SGPP2: variants seen among roughly 807,000 people sequenced by gnomAD.
SGPP2 encodes sphingosine 1-phosphate phosphohydrolase 2.
SGPP2 carries 30 observed loss-of-function variants against 33.9 expected under a neutral mutation model. The observed-to-expected ratio is 0.89, with a 90% CI of 0.66 to 1.20. The LOEUF is 1.20. SGPP2 is among the 50% of genes most tolerant of loss of function. The probability of loss-of-function intolerance (pLI) is 0.00; values close to 1 mark genes in which losing one functional copy is unlikely to be tolerated. For synonymous variants in SGPP2, 233 were observed against 225.0 expected (o/e 1.04, Z -0.32); for missense variants, 458 against 532.1 (o/e 0.86, Z 1.37).
chr2:222,536,160 T>G (rs1360488305), intron 4 of SGPP2, among the ~76,000 whole-genome samples: 1 of 152,188 alleles, frequency 6.6e-6, no homozygotes, highest in Non-Finnish European at 1.5e-5. Context: ...GATTATATAG[T>G]GTGTTACAGG....
chr2:222,480,967 C>A (rs1361043455), intron 2 of SGPP2, among the ~76,000 whole-genome samples: 1 of 152,100 alleles, frequency 6.6e-6, no homozygotes, highest in East Asian at 1.9e-4. Flanking sequence ...GAGTTGAAAC[C>A]ATTATCCTCA....
At chr2:222,433,878 T>C (rs1297176742) in intron 1 of SGPP2, among the ~76,000 whole-genome samples, 1 of 152,252 alleles carries the variant, frequency 6.6e-6, no homozygotes, top group Admixed American at 6.5e-5. Context: ...TACTATGTTT[T>C]AGGAAGGCTG....
chr2:222,483,971 A>T (rs944167715), intron 2 of SGPP2, among the ~76,000 whole-genome samples: 1 of 152,190 alleles, frequency 6.6e-6, no homozygotes, highest in Admixed American at 6.5e-5. Flanking sequence ...GGCGTCAGAG[A>T]TTCTGCCTAG....
In SGPP2 at chr2:222,560,462, AG is replaced by A. The variant is rs1689516816; in HGVS notation, c.*1567del. 6.6e-6 allele frequency: 1 copy of A among 152,234 alleles called. No homozygotes were observed. Among genetic ancestry groups the A allele is most frequent in the Non-Finnish European group, 1.5e-5 (1 of 68,040 alleles). 9.4% of individuals were successfully genotyped at this position (152,234 alleles called of 1,614,324 possible). A position where few individuals can be genotyped will look rare whatever the true frequency, so the allele number is the denominator to read the frequency against. On this transcript the variant is annotated 3_prime_UTR_variant, in exon 5 of 5. Transcript: ENST00000321276. ...AAATACAAAACCCATTAAGCCTACT[AG>A]GGTGAGTCCTCTTAACATGGGAAGG...
At chr2:222,515,910 T>G (rs537710854) in intron 2 of SGPP2, among the ~76,000 whole-genome samples, 1 of 152,064 alleles carries the variant, frequency 6.6e-6, no homozygotes, top group South Asian at 2.1e-4. Context: ...TATCCAGGTG[T>G]GGTAGCGCGT....
chr2:222,474,497 T>C, intron 1 of SGPP2, 71 bp from the exon 2 acceptor site: 1 of 1,442,432 alleles, frequency 6.9e-7, no homozygotes. Flanking sequence ...GACCTGTGAG[T>C]TTTAGACAGA....
At chr2:222,483,907 C>T (rs1698066310) in intron 2 of SGPP2, among the ~76,000 whole-genome samples, 1 of 152,162 alleles carries the variant, frequency 6.6e-6, no homozygotes, top group South Asian at 2.1e-4. Context: ...TAAAAGTATT[C>T]AACAATGGCC....
chr2:222,451,140 G>T, intron 1 of SGPP2, among the ~76,000 whole-genome samples: 1 of 131,156 alleles, frequency 7.6e-6, no homozygotes, highest in East Asian at 2.2e-4. Flanking sequence ...TACAAAAAGA[G>T]AAAAAAAAAA....
chr2:222,530,278 G>T (rs1330008534), intron 4 of SGPP2, among the ~76,000 whole-genome samples: 1 of 152,196 alleles, frequency 6.6e-6, no homozygotes, highest in East Asian at 1.9e-4. Flanking sequence ...CCTAACAAGA[G>T]CATTAGCCTG....
chr2:222,482,566 TG>T (rs72402957), intron 2 of SGPP2, among the ~76,000 whole-genome samples: 25,758 of 152,030 alleles, frequency 0.17, 2,635 homozygotes, highest in African/African-American at 0.28. Context: ...CTGGCTTAGT[TG>T]GGGGTCTCAC....
intron 4 of SGPP2, among the ~76,000 whole-genome samples, chr2:222,541,198 C>T (rs187209399): frequency 1.7e-4 from 26 of 152,302 alleles, no homozygotes; most frequent in Non-Finnish European, 2.9e-4. Flanking sequence ...TGCCCACTTT[C>T]GTGTTTCTAA....
At chr2:222,551,219 AT>A (rs199903193) in intron 4 of SGPP2, among the ~76,000 whole-genome samples, 1 of 151,730 alleles carries the variant, frequency 6.6e-6, no homozygotes, top group African/African-American at 2.4e-5. Flanking sequence ...AGTTATCCCT[AT>A]TTTTTCCCCT....
intron 4 of SGPP2, among the ~76,000 whole-genome samples, chr2:222,545,965 T>C (rs779113047): frequency 6.6e-5 from 10 of 152,238 alleles, no homozygotes; most frequent in Non-Finnish European, 1.5e-4. Flanking sequence ...ACAGCGACTG[T>C]AGAAGAGCAA....
intron 2 of SGPP2, among the ~76,000 whole-genome samples, chr2:222,500,123 C>T (rs745648682): frequency 2.6e-5 from 4 of 152,156 alleles, no homozygotes; most frequent in Non-Finnish European, 5.9e-5. Flanking sequence ...GATACTCTGT[C>T]ACATAAGGAA....
At chr2:222,545,368 T>C (rs1178999348) in intron 4 of SGPP2, among the ~76,000 whole-genome samples, 1 of 151,588 alleles carries the variant, frequency 6.6e-6, no homozygotes, top group African/African-American at 2.4e-5. Context: ...TGCAACCTCC[T>C]TCTCCCAGGT....
intron 2 of SGPP2, among the ~76,000 whole-genome samples, chr2:222,493,947 C>T (rs1698237179): frequency 6.6e-6 from 1 of 152,178 alleles, no homozygotes; most frequent in Admixed American, 6.5e-5. Context: ...CCATAAAGGC[C>T]AATTTCAGTG....
rs186190357 is a variant in SGPP2, at chr2:222,477,265, G to A, written c.378+2539G>A. ...TATATACATGTATGTGAGTATATAG[G>A]TGTATATGTATGTGTGTATGGGTGT... On this transcript the variant is annotated intron_variant, in intron 2 of 4. Transcript: ENST00000321276. The surrounding 1 kb of genome is among the most constrained non-coding windows in gnomAD (Gnocchi z 6.0). Among the ~76,000 whole-genome samples, 28 of 151,138 alleles carry A rather than the reference G, an allele frequency of 1.9e-4. No individual in the cohort carries two copies. Among genetic ancestry groups the A allele is most frequent in the Admixed American group, 7.9e-4 (12 of 15,184 alleles).
At position 222,550,025 on chromosome 2, in the gene SGPP2, C is replaced by T. The variant is rs932340681; in HGVS notation, c.649-8322C>T. On this transcript the variant is annotated intron_variant, in intron 4 of 4. Coordinates refer to ENST00000321276, the MANE Select transcript of SGPP2 (RefSeq NM_152386.4). This position sits in a 1 kb window ranked among gnomAD's most constrained non-coding sequence, Gnocchi z 4.5. Reference sequence around the variant, plus strand: ...CTGAGTAGCTGGAACTACAGGCACGCGCCACCACGTCTGGTTAATTTTTTT... The same window carrying T: ...CTGAGTAGCTGGAACTACAGGCACGTGCCACCACGTCTGGTTAATTTTTTT... 1.3e-5 allele frequency among the ~76,000 whole-genome samples: 2 copies of T among 151,882 alleles called. No individual in the cohort carries two copies. The highest frequency in any genetic ancestry group is 4.2e-4 in the South Asian group (2 of 4,818).
intron 2 of SGPP2, among the ~76,000 whole-genome samples, chr2:222,484,637 ACATGTAGACCCCAAACCAAGGAG>A (rs1339361565): frequency 3.9e-5 from 6 of 152,152 alleles, no homozygotes; most frequent in Admixed American, 3.9e-4. Flanking sequence ...TTGCCAAGTT[ACATGTAGACCCCAAACCAAGGAG>A]CATCCTGATA....
Sources: gnomAD v4.1 joint callset for allele counts (sites outside exome capture counted in the v4.1 genomes callset) on GRCh38, gnomAD v4.1.1 for gene constraint, Gnocchi (gnomAD v3.1) non-coding constraint, MANE v1.5 for transcripts, NCBI Gene and HGNC (gene_info 2026-07-23, HGNC 2026-07-21) for gene names.